The following ZC3H14 variants were observed in gnomAD, a reference collection of about 807,000 sequenced individuals.
ZC3H14 encodes the protein zinc finger CCCH-type containing 14.
In ZC3H14, 31 loss-of-function variants were observed where a neutral mutation model predicts 92.4. The observed-to-expected ratio is 0.34, with a 90% confidence interval of 0.25 to 0.45. ZC3H14 has a LOEUF of 0.45. Ranked by LOEUF, ZC3H14 falls within the 20% of genes least tolerant of loss-of-function variation. The pLI, the probability that ZC3H14 is intolerant of heterozygous loss-of-function variation, is 1.00. For missense variants in ZC3H14, 781 were observed against 897.3 expected, an observed-to-expected ratio of 0.87 and a Z score of 1.66; for synonymous variants, 321 against 300.9, an observed-to-expected ratio of 1.07 and a Z score of -0.69.
chr14:88,574,184 G>T (rs2080864651), intron 6 of ZC3H14: 1 of 154,098 alleles, frequency 6.5e-6, no homozygotes, highest in African/African-American at 2.4e-5. Context: ...TAAATGTAAA[G>T]TTCTAATTTT....
intron 12 of ZC3H14, among the ~76,000 whole-genome samples, chr14:88,606,330 C>T (rs2085391498): frequency 6.6e-6 from 1 of 152,134 alleles, no homozygotes; most frequent in African/African-American, 2.4e-5. Flanking sequence ...TGGGTGTGCA[C>T]TTGCTTTCCA....
intron 2 of ZC3H14, among the ~76,000 whole-genome samples, chr14:88,564,109 T>C (rs1267311240): frequency 6.6e-6 from 1 of 152,166 alleles, no homozygotes; most frequent in Non-Finnish European, 1.5e-5. Flanking sequence ...ACCATGCCTG[T>C]TTAAAGTTTC....
chr14:88,570,957 AAAT>A, intron 3 of ZC3H14, 124 bp from the exon 4 acceptor site: 1 of 722,842 alleles, frequency 1.4e-6, no homozygotes, highest in Admixed American at 4.0e-5. Context: ...CTCTATTTAA[AAAT>A]AATAAAAATA....
Position 88,563,111 on chromosome 14 carries a change from G to T in ZC3H14, c.-23G>T, listed in dbSNP as rs1566869830. 6.3e-7 allele frequency: 1 copy of T among 1,582,326 alleles called. No individual in the cohort carries two copies. Among genetic ancestry groups the T allele is most frequent in the East Asian group, 2.3e-5 (1 of 43,208 alleles). On this transcript the variant is annotated 5_prime_UTR_variant, in exon 1 of 17. Coordinates refer to ENST00000251038, the MANE Select transcript of ZC3H14 (RefSeq NM_024824.5). ...GGTAAGCCAAGCGCCGCGCAGTGCT[G>T]AGTTCCCGCACGCCGCAGAGCCATG...
chr14:88,563,749 A>G lies in ZC3H14; in HGVS notation c.79+56A>G. ...GAATTTAGAGTTTGCAGCTAATAGA[A>G]TTTTAGTGAATGCGTATTTCTCACC... On this transcript the variant is annotated intron_variant, in intron 2 of 16. Transcript: ENST00000251038. The G allele has an allele frequency of 2.0e-6, 3 of 1,496,222 alleles. 1 individual carries two copies. The highest frequency in any genetic ancestry group is 2.3e-5 in the South Asian group (2 of 88,552). The allele number at this position is 1,496,222 out of a possible 1,614,324, so 92.7% of individuals were successfully genotyped here. A position where few individuals can be genotyped will look rare whatever the true frequency, so the allele number is the denominator to read the frequency against.
chr14:88,571,271 T>TA, intron 4 of ZC3H14, 147 bp downstream of exon 4: 1 of 590,538 alleles, frequency 1.7e-6, no homozygotes, highest in Non-Finnish European at 2.8e-6. Flanking sequence ...TTTATGAACT[T>TA]AAGAGCAGTA....
In ZC3H14 at chr14:88,622,795, T is replaced by TA; in HGVS notation, c.*11046dup. 1 of 954,314 alleles carries TA rather than the reference T, an allele frequency of 1.0e-6. No homozygotes were observed. Among genetic ancestry groups the TA allele is most frequent in the Non-Finnish European group, 1.4e-6 (1 of 701,118 alleles). 59.1% of individuals were successfully genotyped at this position (954,314 alleles called of 1,614,324 possible). Reference sequence around the variant, plus strand: ...TTTATTATAAACAAATACCAAGTTATAAGCAGAATCTTTTTTTTTTAAAAA... The same window carrying TA: ...TTTATTATAAACAAATACCAAGTTATAAAGCAGAATCTTTTTTTTTTAAAAA... On this transcript the variant is annotated 3_prime_UTR_variant, in exon 17 of 17. Transcript: ENST00000251038.
intron 9 of ZC3H14, among the ~76,000 whole-genome samples, chr14:88,592,701 A>G (rs931999827): frequency 2.0e-5 from 3 of 151,838 alleles, no homozygotes; most frequent in Non-Finnish European, 4.4e-5. Context: ...GGGTTTTGCC[A>G]TGTTGGCCAG....
At chr14:88,592,782 TG>T (rs958053015) in intron 9 of ZC3H14, among the ~76,000 whole-genome samples, 4 of 152,070 alleles carry the variant, frequency 2.6e-5, no homozygotes, top group African/African-American at 9.7e-5. Flanking sequence ...ATGACAGGTG[TG>T]GGCCTCTGTG....
intron 10 of ZC3H14, among the ~76,000 whole-genome samples, chr14:88,599,648 CTCATTCCCTT>C (rs140047478): frequency 0.015 from 2,276 of 152,306 alleles, 57 homozygotes; most frequent in African/African-American, 0.051. Context: ...CTTTATTCTT[CTCATTCCCTT>C]TCATTCTCAT....
intron 1 of ZC3H14, 120 bp downstream of exon 1, chr14:88,563,289 G>T: frequency 6.5e-7 from 1 of 1,531,458 alleles, no homozygotes. Flanking sequence ...GGACGCTCCT[G>T]GCGGGCTGCG....
At chr14:88,578,792 T>G (rs1180634418) in intron 9 of ZC3H14, among the ~76,000 whole-genome samples, 1 of 147,820 alleles carries the variant, frequency 6.8e-6, no homozygotes, top group Non-Finnish European at 1.5e-5. Flanking sequence ...TTTTTTTTTT[T>G]TTTTTTTTTT....
At chr14:88,566,507 T>G (rs1566880989) in intron 2 of ZC3H14, among the ~76,000 whole-genome samples, 4 of 152,208 alleles carry the variant, frequency 2.6e-5, no homozygotes, top group African/African-American at 7.2e-5. Flanking sequence ...CAAGATTTAT[T>G]TATTCTTTTA....
chr14:88,573,181 C>T (rs943592470), intron 6 of ZC3H14, among the ~76,000 whole-genome samples, 174 bp downstream of exon 6: 3 of 152,008 alleles, frequency 2.0e-5, no homozygotes, highest in Non-Finnish European at 4.4e-5. Flanking sequence ...GAGATTGAGA[C>T]CATCCTGGCT....
At chr14:88,609,579 G>A in intron 14 of ZC3H14, 133 bp from the exon 15 acceptor site, 1 of 1,361,124 alleles carries the variant, frequency 7.3e-7, no homozygotes, top group East Asian at 2.4e-5. Flanking sequence ...GAAGTATTTT[G>A]ACTAGTGAAT....
chr14:88,579,954 G>A (rs1031077047), intron 9 of ZC3H14, among the ~76,000 whole-genome samples: 1 of 152,244 alleles, frequency 6.6e-6, no homozygotes, highest in Non-Finnish European at 1.5e-5. Context: ...GCTCATGCCT[G>A]TAATCCCAAC....
At chr14:88,606,747 TAAAA>T (rs34408574) in intron 12 of ZC3H14, among the ~76,000 whole-genome samples, 5 of 95,866 alleles carry the variant, frequency 5.2e-5, no homozygotes, top group East Asian at 3.0e-4. Context: ...GACCCTGTCG[TAAAA>T]AAAAAAAAAA....
chr14:88,563,554 T>G (rs1186753198), intron 1 of ZC3H14, 97 bp from the exon 2 acceptor site: 2 of 1,586,250 alleles, frequency 1.3e-6, no homozygotes, highest in Middle Eastern at 3.4e-4. Context: ...GGATCCGAGG[T>G]GCGCGCACCA....
rs2086626303 is a variant in ZC3H14 at position 88,611,078 on chromosome 14, G to T, written c.2204+138G>T. 11 of 818,490 alleles carry T rather than the reference G, an allele frequency of 1.3e-5. No homozygotes were observed. In the South Asian group the frequency reaches 1.7e-4, roughly 13 times the overall value. 50.7% of individuals were successfully genotyped at this position (818,490 alleles called of 1,614,324 possible). A position where few individuals can be genotyped will look rare whatever the true frequency, so the allele number is the denominator to read the frequency against. On this transcript the variant is annotated intron_variant, in intron 16 of 16. Coordinates refer to ENST00000251038, the MANE Select transcript of ZC3H14 (RefSeq NM_024824.5). Reference sequence around the variant, plus strand: ...TTTCTTTGCTGTTTAATTATAGAAGGCTCCTTTGGCAAAATAATTTACTAC... The same window carrying T: ...TTTCTTTGCTGTTTAATTATAGAAGTCTCCTTTGGCAAAATAATTTACTAC...
Sources: allele counts gnomAD v4.1 joint callset (sites outside exome capture counted in the v4.1 genomes callset), GRCh38; gene constraint gnomAD v4.1.1; transcripts MANE v1.5; gene names NCBI Gene and HGNC (gene_info 2026-07-23, HGNC 2026-07-21).